The following CADM2 variants were observed in gnomAD, a reference collection of about 807,000 sequenced individuals.
CADM2 encodes the protein immunoglobulin superfamily member 4D.
Under a neutral mutation model 49.8 loss-of-function variants are expected in CADM2, and 12 were observed. The ratio of observed to expected loss-of-function variants is 0.24; its 90% confidence interval spans 0.15 to 0.39. The LOEUF is 0.39. Ranked by LOEUF, CADM2 falls within the 10% of genes least tolerant of loss-of-function variation. CADM2 has a pLI of 1.00. For missense variants in CADM2, 378 were observed against 492.3 expected (o/e 0.77, Z 2.20); for synonymous variants, 214 against 175.4 (o/e 1.22, Z -1.74).
intron 1 of CADM2, among the ~76,000 whole-genome samples, chr3:85,312,921 T>C (rs72921359): frequency 0.095 from 14,403 of 152,216 alleles, 1,405 homozygotes; most frequent in African/African-American, 0.25. Context: ...CAACCATGAT[T>C]CCTATAGGAG....
chr3:85,392,074 A>G (rs2034546350), intron 1 of CADM2, among the ~76,000 whole-genome samples: 1 of 152,146 alleles, frequency 6.6e-6, no homozygotes, highest in Admixed American at 6.6e-5. Flanking sequence ...CTCTTGGTAG[A>G]ACAGAAATAA....
At chr3:85,123,526 T>G (rs1268354877) in intron 1 of CADM2, among the ~76,000 whole-genome samples, 1 of 152,200 alleles carries the variant, frequency 6.6e-6, no homozygotes, top group Non-Finnish European at 1.5e-5. Flanking sequence ...GTGATTGTTT[T>G]CTGAAGAAGT....
intron 1 of CADM2, among the ~76,000 whole-genome samples, chr3:85,575,020 T>C (rs1427257663): frequency 6.6e-6 from 1 of 152,104 alleles, no homozygotes; most frequent in East Asian, 1.9e-4. Context: ...AAAATTGCCC[T>C]CTTTAAAAAT....
intron 1 of CADM2, among the ~76,000 whole-genome samples, chr3:85,340,189 T>C (rs2045202100): frequency 1.3e-5 from 2 of 151,540 alleles, no homozygotes; most frequent in African/African-American, 4.8e-5. Context: ...AAGCATTTCC[T>C]ATAACTCTAT....
intron 1 of CADM2, among the ~76,000 whole-genome samples, chr3:85,123,645 T>C (rs2038935705): frequency 6.6e-6 from 1 of 152,086 alleles, no homozygotes; most frequent in Admixed American, 6.6e-5. Flanking sequence ...TTTTCAGCAG[T>C]TTATTGATAT....
At position 85,123,979 on chromosome 3, in the gene CADM2, A is replaced by G. The variant is rs191604749; in HGVS notation, c.61+164311A>G. On this transcript the variant is annotated intron_variant, in intron 1 of 9. Coordinates refer to ENST00000383699, the MANE Select transcript of CADM2 (RefSeq NM_001167675.2). ...CAAATGTTGGGCTGGGATGAGCTAT[A>G]TAAGTACTGGGGGATATTAGTGAGG... is the stretch of plus-strand genomic sequence containing the variant. Among the ~76,000 whole-genome samples, 4 of 152,330 alleles carry G rather than the reference A, an allele frequency of 2.6e-5. No individual in the cohort carries two copies. In the East Asian group the frequency reaches 7.7e-4, roughly 29 times the overall value.
At chr3:85,593,856 C>G (rs2063174544) in intron 1 of CADM2, among the ~76,000 whole-genome samples, 1 of 151,870 alleles carries the variant, frequency 6.6e-6, no homozygotes, top group Admixed American at 6.6e-5. Context: ...CATTGTCACC[C>G]CTTCCCTCAT....
At chr3:85,889,677 CAAGGA>C (rs1714153993) in intron 5 of CADM2, among the ~76,000 whole-genome samples, 2 of 152,036 alleles carry the variant, frequency 1.3e-5, no homozygotes, top group Non-Finnish European at 2.9e-5. Flanking sequence ...TTTCAGAGTA[CAAGGA>C]ATCACTGAAT....
At chr3:85,685,615 CTT>C (rs59277971) in intron 1 of CADM2, among the ~76,000 whole-genome samples, 9 of 121,996 alleles carry the variant, frequency 7.4e-5, no homozygotes, top group African/African-American at 1.2e-4. Context: ...TTCTTTCTTT[CTT>C]TTTTTTTTTT....
intron 1 of CADM2, among the ~76,000 whole-genome samples, chr3:85,455,925 T>C (rs994582604): frequency 7.9e-5 from 12 of 152,116 alleles, no homozygotes; most frequent in African/African-American, 2.7e-4. Flanking sequence ...GTAGATAAAT[T>C]ACCCAAAATA....
chr3:85,595,617 CT>C (rs2063220716), intron 1 of CADM2, among the ~76,000 whole-genome samples: 1 of 151,804 alleles, frequency 6.6e-6, no homozygotes, highest in Non-Finnish European at 1.5e-5. Flanking sequence ...TGTTTAAAAC[CT>C]TTTATATCCT....
At chr3:85,499,188 TC>T in intron 1 of CADM2, among the ~76,000 whole-genome samples, 1 of 152,264 alleles carries the variant, frequency 6.6e-6, no homozygotes, top group African/African-American at 2.4e-5. Context: ...CTGATGTTCT[TC>T]AAGGACACAG....
At chr3:85,268,086 A>T (rs1482841594) in intron 1 of CADM2, among the ~76,000 whole-genome samples, 2 of 151,560 alleles carry the variant, frequency 1.3e-5, no homozygotes, top group African/African-American at 2.4e-5. Context: ...AAAATGTATA[A>T]TAAGGTGATC....
intron 1 of CADM2, among the ~76,000 whole-genome samples, chr3:85,290,531 A>G (rs2043760098): frequency 6.6e-6 from 1 of 152,210 alleles, no homozygotes; most frequent in Admixed American, 6.5e-5. Flanking sequence ...GCAGACTTAA[A>G]TGTCCCTGTC....
chr3:85,107,066 A>G (rs2038255236), intron 1 of CADM2, among the ~76,000 whole-genome samples: 1 of 152,180 alleles, frequency 6.6e-6, no homozygotes, highest in Non-Finnish European at 1.5e-5. Context: ...GATTGTCACA[A>G]GGAAGATACA....
chr3:85,987,766 G>T (rs1273264447), intron 8 of CADM2, among the ~76,000 whole-genome samples: 2 of 148,048 alleles, frequency 1.4e-5, no homozygotes, highest in African/African-American at 4.9e-5. Context: ...ATGAAATATC[G>T]AGGCTAAAGT....
chr3:85,947,057 G>T (rs1000338158), intron 7 of CADM2, among the ~76,000 whole-genome samples: 2 of 152,004 alleles, frequency 1.3e-5, no homozygotes, highest in Non-Finnish European at 2.9e-5. Flanking sequence ...TCTGGCAAAT[G>T]GCTAATATCC....
At chr3:85,653,024 C>T (rs2065099434) in intron 1 of CADM2, among the ~76,000 whole-genome samples, 1 of 151,618 alleles carries the variant, frequency 6.6e-6, no homozygotes, top group Non-Finnish European at 1.5e-5. Context: ...CCACCTGCCT[C>T]TGCCTCCCAA....
chr3:85,823,299 G>A (rs77744960), intron 3 of CADM2, among the ~76,000 whole-genome samples: 5,510 of 152,192 alleles, frequency 0.036, 307 homozygotes, highest in African/African-American at 0.12. Context: ...TAAGAACCCT[G>A]ATATTTAGCT....
Sources: allele counts gnomAD v4.1 joint callset (sites outside exome capture counted in the v4.1 genomes callset), GRCh38; gene constraint gnomAD v4.1.1; transcripts MANE v1.5; gene names NCBI Gene and HGNC (gene_info 2026-07-23, HGNC 2026-07-21).